The following COMMD10 variants were observed in gnomAD, a reference collection of about 807,000 sequenced individuals.
The protein encoded by COMMD10 is COMM domain-containing protein 10.
A neutral mutation model predicts 28.9 loss-of-function variants in COMMD10; 33 were observed. The ratio of observed to expected loss-of-function variants is 1.14; its 90% confidence interval spans 0.87 to 1.53. The LOEUF (loss-of-function observed/expected upper bound fraction) is 1.53. COMMD10 is among the 40% of genes most tolerant of loss of function. The pLI is 0.00. For missense variants in COMMD10, 310 were observed against 233.4 expected (o/e 1.33, Z -2.14); for synonymous variants, 110 against 81.7 (o/e 1.35, Z -1.87).
chr5:116,116,837 G>C (rs933496340), intron 4 of COMMD10, among the ~76,000 whole-genome samples: 5 of 151,662 alleles, frequency 3.3e-5, no homozygotes, highest in Admixed American at 6.6e-5. Context: ...TCCTGCCTCA[G>C]CCTCCCAAAA....
intron 5 of COMMD10, among the ~76,000 whole-genome samples, chr5:116,142,368 G>T (rs961562043): frequency 2.6e-5 from 4 of 151,676 alleles, no homozygotes; most frequent in African/African-American, 9.7e-5. Flanking sequence ...ACATCTTTGT[G>T]AATATATACT....
In COMMD10 at chr5:116,140,231, A is replaced by ATGTGTGTGTGTGTGTGTGTGTGTG. The variant is rs3072964; in HGVS notation, c.510+6055_510+6078dup. Reference sequence around the variant, plus strand: ...TTTTTCAAGGCTGACTCATACTACTATGTGTGTGTGTGTGTGTGTGTGTGT... The same window carrying ATGTGTGTGTGTGTGTGTGTGTGTG: ...TTTTTCAAGGCTGACTCATACTACTATGTGTGTGTGTGTGTGTGTGTGTGTGTGTGTGTGTGTGTGTGTGTGTGT... On this transcript the variant is annotated intron_variant, in intron 5 of 6. Coordinates refer to ENST00000274458, the MANE Select transcript of COMMD10 (RefSeq NM_016144.4). Among the ~76,000 whole-genome samples, 226 of 147,098 alleles carry ATGTGTGTGTGTGTGTGTGTGTGTG rather than the reference A, an allele frequency of 1.5e-3. 3 individuals carry two copies. The highest frequency in any genetic ancestry group is 5.3e-3 in the African/African-American group (211 of 39,744).
At chr5:116,223,091 T>C (rs1405238363) in intron 5 of COMMD10, among the ~76,000 whole-genome samples, 1 of 152,224 alleles carries the variant, frequency 6.6e-6, no homozygotes, top group Non-Finnish European at 1.5e-5. Flanking sequence ...ATTTTACTTG[T>C]CTATGTTCTT....
intron 5 of COMMD10, among the ~76,000 whole-genome samples, chr5:116,228,596 C>T (rs78362565): frequency 0.1 from 15,159 of 151,816 alleles, 815 homozygotes; most frequent in Admixed American, 0.14. Flanking sequence ...TCAGTTAAAC[C>T]TGAAGAAATA....
At chr5:116,154,613 CTT>C (rs1752645438) in intron 5 of COMMD10, among the ~76,000 whole-genome samples, 1 of 152,074 alleles carries the variant, frequency 6.6e-6, no homozygotes, top group African/African-American at 2.4e-5. Flanking sequence ...TTAGGTAAGA[CTT>C]ATACATTAAG....
chr5:116,221,402 T>G (rs1462094695), intron 5 of COMMD10, among the ~76,000 whole-genome samples: 1 of 152,210 alleles, frequency 6.6e-6, no homozygotes, highest in Non-Finnish European at 1.5e-5. Flanking sequence ...CAAACCCTGC[T>G]ATCTCAGTAT....
At chr5:116,182,769 G>T (rs562420409) in intron 5 of COMMD10, among the ~76,000 whole-genome samples, 68 of 152,186 alleles carry the variant, frequency 4.5e-4, no homozygotes, top group African/African-American at 1.3e-3. Context: ...ATATGGTTTG[G>T]CTGTGTCTCC....
chr5:116,275,533 C>G (rs1750883726), intron 5 of COMMD10, among the ~76,000 whole-genome samples: 1 of 150,880 alleles, frequency 6.6e-6, no homozygotes, highest in Admixed American at 6.6e-5. Flanking sequence ...CTCGTAAGCT[C>G]AAGGAAAACA....
intron 4 of COMMD10, among the ~76,000 whole-genome samples, chr5:116,094,253 A>C (rs561509870): frequency 1.3e-5 from 2 of 152,232 alleles, no homozygotes; most frequent in African/African-American, 2.4e-5. Flanking sequence ...ATGGGATAAA[A>C]TATTTACAAA....
rs771318731 is a variant in COMMD10 at position 116,087,581 on chromosome 5, C to G, written c.126C>G (p.His42Gln). The G allele has an allele frequency of 6.3e-7, 1 of 1,596,870 alleles. No individual in the cohort carries two copies. The highest frequency in any genetic ancestry group is 8.6e-7 in the Non-Finnish European group (1 of 1,164,328). ...TCACTCGGATTCTTCAAAAACTTCA[C>G]CTGAAGGTTTGTATTTGTGTGTTTC... Reference protein sequence around the residue: ...RLLTRILQKLHLKAESSFSEE... With the variant: ...RLLTRILQKLQLKAESSFSEE... Residue 42 changes from histidine (H) to glutamine (Q), a missense_variant, in exon 2 of 7, where the codon CAC becomes CAG. Coordinates refer to ENST00000274458, the MANE Select transcript of COMMD10 (RefSeq NM_016144.4).
At chr5:116,148,371 T>G (rs1350717171) in intron 5 of COMMD10, among the ~76,000 whole-genome samples, 1 of 151,902 alleles carries the variant, frequency 6.6e-6, no homozygotes, top group African/African-American at 2.4e-5. Context: ...CCCTCTTGGC[T>G]TCTTCTTTAT....
intron 5 of COMMD10, among the ~76,000 whole-genome samples, chr5:116,217,371 A>G (rs1749133556): frequency 1.3e-5 from 2 of 152,224 alleles, no homozygotes; most frequent in African/African-American, 2.4e-5. Context: ...ATAAAACCCA[A>G]TGAAGTCTTC....
chr5:116,289,537 C>G (rs962490231), intron 5 of COMMD10, among the ~76,000 whole-genome samples: 3 of 151,834 alleles, frequency 2.0e-5, no homozygotes, highest in African/African-American at 7.3e-5. Flanking sequence ...CTTCCAAACG[C>G]TGGTGCTGGG....
chr5:116,180,603 T>C (rs1233484541), intron 5 of COMMD10, among the ~76,000 whole-genome samples: 1 of 152,120 alleles, frequency 6.6e-6, no homozygotes, highest in Admixed American at 6.6e-5. Flanking sequence ...TAAGAAATTA[T>C]ACGTTTTTCT....
At chr5:116,253,915 T>A (rs1247377699) in intron 5 of COMMD10, among the ~76,000 whole-genome samples, 1 of 151,744 alleles carries the variant, frequency 6.6e-6, no homozygotes. Context: ...CGGCTGTGAA[T>A]CCATCTGGTC....
chr5:116,290,435 T>C (rs1401424334), intron 5 of COMMD10, among the ~76,000 whole-genome samples: 2 of 151,878 alleles, frequency 1.3e-5, no homozygotes, highest in African/African-American at 4.9e-5. Context: ...ACACTTAGCT[T>C]CATGAAGAGT....
At chr5:116,169,380 C>T (rs1365583975) in intron 5 of COMMD10, among the ~76,000 whole-genome samples, 2 of 152,076 alleles carry the variant, frequency 1.3e-5, no homozygotes, top group East Asian at 1.9e-4. Flanking sequence ...AAAAAAAGCC[C>T]AGGACCACAC....
At chr5:116,189,193 C>T (rs554565432) in intron 5 of COMMD10, among the ~76,000 whole-genome samples, 1 of 152,260 alleles carries the variant, frequency 6.6e-6, no homozygotes, top group Admixed American at 6.5e-5. Context: ...GAGTTTCCAT[C>T]AACTAGTTGG....
chr5:116,208,623 C>T (rs937177540), intron 5 of COMMD10, among the ~76,000 whole-genome samples: 2 of 152,176 alleles, frequency 1.3e-5, no homozygotes, highest in African/African-American at 4.8e-5. Flanking sequence ...AATTGAAACA[C>T]ATAAAAGTGA....
Sources: gnomAD v4.1 joint callset for allele counts (sites outside exome capture counted in the v4.1 genomes callset) on GRCh38, gnomAD v4.1.1 for gene constraint, MANE v1.5 for transcripts, NCBI Gene and HGNC (gene_info 2026-07-23, HGNC 2026-07-21) for gene names.